Variants in TDRD12 observed in about 807,000 individuals in gnomAD.
TDRD12 encodes the protein tudor domain containing 12, also known as putative ATP-dependent RNA helicase TDRD12.
Under a neutral mutation model 133.5 loss-of-function variants are expected in TDRD12, and 158 were observed. The observed-to-expected ratio is 1.18, with a 90% CI of 1.04 to 1.35. The LOEUF is 1.35. Among genes scored for constraint, TDRD12 ranks in the 40% most tolerant of loss-of-function variants. The probability of loss-of-function intolerance (pLI) is 0.00; values close to 1 mark genes in which losing one functional copy is unlikely to be tolerated. For missense variants in TDRD12, 1,443 were observed against 1,321.3 expected (o/e 1.09, Z -1.43); for synonymous variants, 460 against 477.9 (o/e 0.96, Z 0.49).
intron 2 of TDRD12, among the ~76,000 whole-genome samples, chr19:32,738,615 A>G (rs970880816): frequency 6.6e-6 from 1 of 152,184 alleles, no homozygotes; most frequent in African/African-American, 2.4e-5. Flanking sequence ...GGAGTTTGAG[A>G]CCAGCTTATC....
At chr19:32,768,155 G>A (rs1351981044) in intron 8 of TDRD12, among the ~76,000 whole-genome samples, 1 of 152,132 alleles carries the variant, frequency 6.6e-6, no homozygotes, top group African/African-American at 2.4e-5. Flanking sequence ...AAAGCCTGCA[G>A]TATTTACCAG....
rs144961335 is a variant in TDRD12, at chr19:32,815,937, C to T, written c.3314+317C>T. Among the ~76,000 whole-genome samples the T allele has an allele frequency of 4.4e-3, 671 of 151,666 alleles. 5 individuals are homozygous for T. The highest frequency in any genetic ancestry group is 0.015 in the African/African-American group (633 of 41,346). On this transcript the variant is annotated intron_variant, in intron 26 of 27. Coordinates refer to ENST00000444215, the Ensembl canonical transcript of TDRD12. Reference sequence around the variant, plus strand: ...TGAACCTGGGAGGCAGAGGTTGCAGCGAGCCAAGATCATGCCACTGCACTC... The same window carrying T: ...TGAACCTGGGAGGCAGAGGTTGCAGTGAGCCAAGATCATGCCACTGCACTC...
chr19:32,728,750 A>T (rs1397669023), intron 1 of TDRD12, among the ~76,000 whole-genome samples: 1 of 143,592 alleles, frequency 7.0e-6, no homozygotes, highest in East Asian at 2.0e-4. Flanking sequence ...GGTTCACTCC[A>T]TTCTTCTGCC....
At position 32,745,374 on chromosome 19, in the gene TDRD12, T is replaced by C. The variant is rs182138412; in HGVS notation, c.440+2474T>C. Among the ~76,000 whole-genome samples the C allele has an allele frequency of 3.9e-5, 6 of 152,328 alleles. No homozygotes were observed. The East Asian group carries it at 1.2e-3, about 29-fold the overall frequency. ...TTCTTTGACATCTGATGCCTTTGTG[T>C]TTGTGTTTTATGCAGAACACCCTTT... On this transcript the variant is annotated intron_variant, in intron 4 of 27. Transcript: ENST00000444215.
At chr19:32,732,828 C>T (rs892792686) in intron 2 of TDRD12, among the ~76,000 whole-genome samples, 6 of 152,194 alleles carry the variant, frequency 3.9e-5, no homozygotes, top group African/African-American at 1.2e-4. Flanking sequence ...TTTGTTTCCA[C>T]GCCATTGACT....
exon 1 of TDRD12, chr19:32,720,007 G>A: frequency 6.5e-7 from 1 of 1,536,220 alleles, no homozygotes; most frequent in Non-Finnish European, 8.8e-7. Flanking sequence ...GACGCAGCCA[G>A]CCTCACCCGC....
chr19:32,811,298 C>A (rs1248272596), exon 24 of TDRD12: 4 of 1,536,090 alleles, frequency 2.6e-6, no homozygotes, highest in Non-Finnish European at 3.5e-6. Flanking sequence ...CAGGACGGGG[C>A]TCGTCACAAG....
intron 8 of TDRD12, among the ~76,000 whole-genome samples, chr19:32,767,144 T>A (rs74426568): frequency 7.1e-6 from 1 of 140,450 alleles, no homozygotes; most frequent in Non-Finnish European, 1.6e-5. Context: ...TTATTTATTT[T>A]TGAGACGGAG....
In TDRD12 at chr19:32,738,909, A is replaced by G. The variant is rs1402942200; in HGVS notation, c.237A>G (p.Lys79=). Reference sequence around the variant, plus strand: ...AGTGCTGGTGCAGGGCCATTGTCAAATCAATTACGTCTTCCGCAGACCAGT... The same window carrying G: ...AGTGCTGGTGCAGGGCCATTGTCAAGTCAATTACGTCTTCCGCAGACCAGT... Residue 79 remains lysine (K), a synonymous_variant, in exon 3 of 28, where the codon AAA becomes AAG. Transcript: ENST00000444215. The G allele has an allele frequency of 2.6e-6, 4 of 1,551,476 alleles. No individual in the cohort carries two copies. In the South Asian group the frequency reaches 4.8e-5, roughly 18 times the overall value.
Position 32,826,751 on chromosome 19 carries a change from T to A in TDRD12, c.1049+153T>A. The A allele has an allele frequency of 8.1e-7, 1 of 1,231,976 alleles. No individual in the cohort carries two copies. 76.3% of individuals were successfully genotyped at this position (1,231,976 alleles called of 1,614,324 possible). A position where few individuals can be genotyped will look rare whatever the true frequency, so the allele number is the denominator to read the frequency against. The stretch of plus-strand genomic sequence containing the variant: ...AAGAGGACAGCCACTTCCCCAAGGG[T>A]AAGGCATAGAGCGCCCACTCTCCGA... On this transcript the variant is annotated intron_variant, in intron 9 of 9. Coordinates refer to the TDRD12 transcript ENST00000637289.
chr19:32,798,112 A>G lies in TDRD12; in HGVS notation c.1631-196A>G, dbSNP rs16967435. On this transcript the variant is annotated intron_variant, in intron 15 of 27. Coordinates refer to ENST00000444215, the Ensembl canonical transcript of TDRD12. Reference sequence around the variant, plus strand: ...TCTGCTTCACTGAGAAAACTATGTCACTTCATTCATTTATCATCTATTTAC... The same window carrying G: ...TCTGCTTCACTGAGAAAACTATGTCGCTTCATTCATTTATCATCTATTTAC... Among the ~76,000 whole-genome samples the G allele has an allele frequency of 4.4e-3, 677 of 152,280 alleles. 5 individuals carry two copies. Among genetic ancestry groups the G allele is most frequent in the African/African-American group, 0.015 (642 of 41,550 alleles).
chr19:32,721,169 C>G (rs188699586), intron 1 of TDRD12, among the ~76,000 whole-genome samples: 2 of 152,216 alleles, frequency 1.3e-5, no homozygotes, highest in Non-Finnish European at 2.9e-5. Flanking sequence ...GGGGAAGGGA[C>G]GCCCGCCTGG....
intron 14 of TDRD12, among the ~76,000 whole-genome samples, chr19:32,795,415 A>G (rs1260490299): frequency 3.9e-5 from 6 of 152,060 alleles, no homozygotes; most frequent in Non-Finnish European, 8.8e-5. Context: ...GAGTCTATCT[A>G]TCCATCACAG....
intron 9 of TDRD12, 101 bp downstream of exon 32, chr19:32,826,850 G>A (rs1967609546): frequency 2.8e-6 from 2 of 710,696 alleles, no homozygotes; most frequent in Non-Finnish European, 3.9e-6. Context: ...GAAGTGGACC[G>A]TTCATGTCAA....
chr19:32,805,050 C>T (rs569180857), intron 21 of TDRD12, among the ~76,000 whole-genome samples: 70 of 151,670 alleles, frequency 4.6e-4, no homozygotes, highest in South Asian at 1.7e-3. Context: ...ATAATCCCAG[C>T]GCTTTGGGAG....
At chr19:32,768,975 T>C (rs1970371379) in intron 8 of TDRD12, among the ~76,000 whole-genome samples, 1 of 152,150 alleles carries the variant, frequency 6.6e-6, no homozygotes, top group Non-Finnish European at 1.5e-5. Context: ...ACTCCTGGCC[T>C]CAAGCAGTCC....
intron 8 of TDRD12, among the ~76,000 whole-genome samples, chr19:32,768,086 TG>T (rs1970347886): frequency 6.6e-6 from 1 of 152,216 alleles, no homozygotes; most frequent in Non-Finnish European, 1.5e-5. Flanking sequence ...CAGCTGCTTT[TG>T]CACTGTCAGA....
intron 19 of TDRD12, 78 bp from the exon 20 acceptor site, chr19:32,802,578 T>C: frequency 6.8e-7 from 1 of 1,467,300 alleles, no homozygotes; most frequent in Non-Finnish European, 9.1e-7. Context: ...TGCACTGCAG[T>C]GTGGCCGTGG....
Position 32,802,952 on chromosome 19 carries a change from GC to G in TDRD12, c.2364del (p.Lys789AsnfsTer6), listed in dbSNP as rs1261352046. ...TCCTGCAGAACAGGGAGATAAGAAAGCCAAATCTGTCTTGCTGCTGACGGAG... is the reference window on the plus strand; with the variant it reads ...TCCTGCAGAACAGGGAGATAAGAAAGCAAATCTGTCTTGCTGCTGACGGAG... On this transcript the variant is annotated frameshift_variant, in exon 21 of 28. Transcript: ENST00000444215. LOFTEE classifies it high-confidence loss of function. 6.5e-7 allele frequency: 1 copy of G among 1,535,980 alleles called. No homozygotes were observed. Among genetic ancestry groups the G allele is most frequent in the South Asian group, 1.2e-5 (1 of 84,020 alleles).
Sources: gnomAD v4.1 joint callset for allele counts (sites outside exome capture counted in the v4.1 genomes callset) on GRCh38, gnomAD v4.1.1 for gene constraint, MANE v1.5 for transcripts, NCBI Gene and HGNC (gene_info 2026-07-23, HGNC 2026-07-21) for gene names.